CDC42SE2: variants seen among roughly 807,000 people sequenced by gnomAD.
The protein encoded by CDC42SE2 is CDC42 small effector 2.
Under a neutral mutation model 11.5 loss-of-function variants are expected in CDC42SE2, and 3 were observed. The observed-to-expected ratio is 0.26, with a 90% CI of 0.12 to 0.67. The LOEUF (loss-of-function observed/expected upper bound fraction) is 0.67, where lower values mean the gene tolerates loss of function less well. Among genes scored for constraint, CDC42SE2 ranks in the 30% least tolerant of loss-of-function variants. CDC42SE2 has a pLI of 0.80. For missense variants in CDC42SE2, 82 were observed against 106.8 expected, an observed-to-expected ratio of 0.77 and a Z score of 1.02; for synonymous variants, 33 against 34.8, an observed-to-expected ratio of 0.95 and a Z score of 0.18.
At chr5:131,240,689 G>A (rs1462984257), upstream of CDC42SE2, among the ~76,000 whole-genome samples, 1 of 152,118 alleles carries the variant, frequency 6.6e-6, no homozygotes, top group African/African-American at 2.4e-5. Flanking sequence ...TAAAATCATG[G>A]TAAAAATATA....
At chr5:131,318,567 G>A (rs962241952) in intron 2 of CDC42SE2, among the ~76,000 whole-genome samples, 4 of 152,124 alleles carry the variant, frequency 2.6e-5, no homozygotes, top group Non-Finnish European at 4.4e-5. Context: ...ACCATGAAAG[G>A]AAATTTAGTT....
At chr5:131,359,830 A>G (rs1749657057) in intron 3 of CDC42SE2, among the ~76,000 whole-genome samples, 1 of 152,214 alleles carries the variant, frequency 6.6e-6, no homozygotes, top group Non-Finnish European at 1.5e-5. Flanking sequence ...AAAAGGAGAT[A>G]GTAACCTGAG....
chr5:131,328,581 T>C (rs963268068), intron 2 of CDC42SE2, among the ~76,000 whole-genome samples: 2 of 152,216 alleles, frequency 1.3e-5, no homozygotes, highest in South Asian at 4.1e-4. Flanking sequence ...TTTCCTGTTT[T>C]GGCTTCATAT....
chr5:131,344,821 C>G (rs1389150000), intron 2 of CDC42SE2, among the ~76,000 whole-genome samples: 1 of 152,228 alleles, frequency 6.6e-6, no homozygotes, highest in Admixed American at 6.5e-5. Context: ...AAGGATCAGA[C>G]AGCAACATTT....
chr5:131,316,654 T>TA (rs1758045063), intron 2 of CDC42SE2, among the ~76,000 whole-genome samples: 1 of 152,196 alleles, frequency 6.6e-6, no homozygotes, highest in Non-Finnish European at 1.5e-5. Flanking sequence ...GCAGAGCTGA[T>TA]ATTACGTAGA....
At chr5:131,301,242 G>T (rs997026727) in intron 1 of CDC42SE2, among the ~76,000 whole-genome samples, 4 of 152,114 alleles carry the variant, frequency 2.6e-5, no homozygotes, top group Admixed American at 6.6e-5. Flanking sequence ...ATTACAACTA[G>T]ATAGGAGGAA....
intron 1 of CDC42SE2, among the ~76,000 whole-genome samples, chr5:131,279,579 A>G (rs1029509973): frequency 6.7e-6 from 1 of 150,006 alleles, no homozygotes; most frequent in African/African-American, 2.5e-5. Context: ...ACTTTCTTCT[A>G]CTCTGTGATT....
the CDC42SE2 span, among the ~76,000 whole-genome samples, chr5:131,218,111 G>A: frequency 4.7e-5 from 7 of 149,108 alleles, no homozygotes; most frequent in Non-Finnish European, 1.0e-4. Flanking sequence ...GGGAGGTCAA[G>A]GCTGCAATGA....
At chr5:131,230,786 A>C in the CDC42SE2 span, among the ~76,000 whole-genome samples, 1 of 152,218 alleles carries the variant, frequency 6.6e-6, no homozygotes, top group Non-Finnish European at 1.5e-5. Context: ...GTAGTCTTCC[A>C]AGGGGTTTAT....
intron 2 of CDC42SE2, among the ~76,000 whole-genome samples, chr5:131,348,168 T>C (rs1194941336): frequency 6.6e-6 from 1 of 152,170 alleles, no homozygotes; most frequent in Non-Finnish European, 1.5e-5. Context: ...GAGAAGGGAA[T>C]AAAGGGCATT....
intron 1 of CDC42SE2, among the ~76,000 whole-genome samples, chr5:131,287,913 A>G (rs1443181521): frequency 6.6e-6 from 1 of 151,626 alleles, no homozygotes; most frequent in Admixed American, 6.6e-5. Flanking sequence ...TTCTTTTATT[A>G]TTTGATTATT....
At chr5:131,259,583 T>C (rs1194752706), upstream of CDC42SE2, among the ~76,000 whole-genome samples, 3 of 152,246 alleles carry the variant, frequency 2.0e-5, no homozygotes, top group Admixed American at 2.0e-4. Flanking sequence ...TAAGTCTCTA[T>C]AGCTTTACAC....
chr5:131,237,730 G>T, the CDC42SE2 span, among the ~76,000 whole-genome samples: 1 of 151,984 alleles, frequency 6.6e-6, no homozygotes, highest in Non-Finnish European at 1.5e-5. Context: ...TAGGATTGTA[G>T]GCGCTCACCA....
chr5:131,266,681 C>T (rs147756097), intron 1 of CDC42SE2, among the ~76,000 whole-genome samples: 3 of 152,152 alleles, frequency 2.0e-5, no homozygotes, highest in Middle Eastern at 3.4e-3. Context: ...TGGTCTCGAA[C>T]TCCTGGTCTC....
intron 1 of CDC42SE2, among the ~76,000 whole-genome samples, chr5:131,293,275 A>C (rs1237547843): frequency 1.3e-5 from 2 of 152,158 alleles, no homozygotes; most frequent in African/African-American, 4.8e-5. Flanking sequence ...ACCGTCTAAG[A>C]GAAAGTGGGC....
intron 1 of CDC42SE2, among the ~76,000 whole-genome samples, chr5:131,303,325 G>T (rs1390824979): frequency 6.6e-6 from 1 of 152,118 alleles, no homozygotes; most frequent in Non-Finnish European, 1.5e-5. Context: ...AAATGATCAT[G>T]CATAAAAATG....
Position 131,368,474 on chromosome 5 carries a change from G to A in CDC42SE2, c.54+8927G>A, listed in dbSNP as rs1032615711. On this transcript the variant is annotated intron_variant, in intron 3 of 4. Transcript: ENST00000505065. The stretch of plus-strand genomic sequence containing the variant: ...CCTTTGTCTTTGTTCACCTTTTGTC[G>A]TGTTTTGGCCAGTCTTAGTCCTTGA... 5.3e-5 allele frequency among the ~76,000 whole-genome samples: 8 copies of A among 151,990 alleles called. No homozygotes were observed. In the East Asian group the frequency reaches 9.6e-4, roughly 18 times the overall value.
intron 1 of CDC42SE2, among the ~76,000 whole-genome samples, chr5:131,285,971 C>T (rs1279505689): frequency 2.0e-5 from 3 of 152,022 alleles, no homozygotes; most frequent in Middle Eastern, 3.4e-3. Context: ...TTACAAATCT[C>T]ATAAGAGGCT....
intron 2 of CDC42SE2, among the ~76,000 whole-genome samples, chr5:131,350,610 TG>T (rs1758983313): frequency 1.9e-5 from 2 of 107,404 alleles, no homozygotes; most frequent in Admixed American, 9.0e-5. Context: ...ATTTATTTTG[TG>T]TGTGTGTGTG....
Sources: gnomAD v4.1 joint callset for allele counts (sites outside exome capture counted in the v4.1 genomes callset) on GRCh38, gnomAD v4.1.1 for gene constraint, MANE v1.5 for transcripts, NCBI Gene and HGNC (gene_info 2026-07-23, HGNC 2026-07-21) for gene names.